The following CTNNA2 variants were observed in gnomAD, a reference collection of about 807,000 sequenced individuals.
CTNNA2 encodes the protein catenin alpha-2.
CTNNA2 carries 42 observed loss-of-function variants against 101.0 expected under a neutral mutation model. The ratio of observed to expected loss-of-function variants is 0.42; its 90% CI spans 0.32 to 0.54. CTNNA2 has a LOEUF of 0.54. Ranked by LOEUF, CTNNA2 falls within the 20% of genes least tolerant of loss-of-function variation. CTNNA2 has a pLI of 0.14. For missense variants in CTNNA2, 871 were observed against 1,223.1 expected (o/e 0.71, Z 4.29); for synonymous variants, 450 against 456.4 (o/e 0.99, Z 0.18).
chr2:80,349,717 G>T (rs936741631), intron 7 of CTNNA2, among the ~76,000 whole-genome samples: 1 of 151,998 alleles, frequency 6.6e-6, no homozygotes, highest in African/African-American at 2.4e-5. Flanking sequence ...ATGGGGTCTT[G>T]CTATGTTGCT....
At chr2:79,336,264 A>G (rs1676992381) in intron 3 of CTNNA2, among the ~76,000 whole-genome samples, 1 of 152,164 alleles carries the variant, frequency 6.6e-6, no homozygotes, top group African/African-American at 2.4e-5. Context: ...TTGATTAACT[A>G]TGGCTGCCAT....
At chr2:79,982,518 CAT>C (rs201790869) in intron 7 of CTNNA2, among the ~76,000 whole-genome samples, 8 of 150,694 alleles carry the variant, frequency 5.3e-5, no homozygotes, top group African/African-American at 1.7e-4. Flanking sequence ...CACACACACA[CAT>C]ATATATATTT....
rs995719156 is a variant in CTNNA2, at chr2:79,542,319, A to G, written c.-6+29112A>G. Among the ~76,000 whole-genome samples, 15 of 152,330 alleles carry G rather than the reference A, an allele frequency of 9.8e-5. No individual in the cohort carries two copies. In the East Asian group the frequency reaches 2.5e-3, roughly 25 times the overall value. ...ATGCACTATGTTATCTGATGTTAAA[A>G]GTAAAAGATTTATCCTAAAATAACT... On this transcript the variant is annotated intron_variant, in intron 1 of 18. Transcript: ENST00000402739.
At chr2:80,488,886 C>CATACACACGTGCATGCACATACACAT in intron 9 of CTNNA2, among the ~76,000 whole-genome samples, 1 of 152,192 alleles carries the variant, frequency 6.6e-6, no homozygotes, top group Non-Finnish European at 1.5e-5. Flanking sequence ...ATCACTCTCT[C>CATACACACGTGCATGCACATACACAT]ATACACACGT....
rs185117730 is a variant in CTNNA2 at position 80,221,835 on chromosome 2, A to G, written c.1057-171376A>G. Among the ~76,000 whole-genome samples, 4 of 152,366 alleles carry G rather than the reference A, an allele frequency of 2.6e-5. No homozygotes were observed. The East Asian group carries it at 7.7e-4, about 29-fold the overall frequency. On this transcript the variant is annotated intron_variant, in intron 7 of 18. Transcript: ENST00000402739. ...AATGATCAAAATGTGTGCAAGACAG[A>G]TCCTTTTGGTAGGATGCTTTTTATA...
intron 7 of CTNNA2, among the ~76,000 whole-genome samples, chr2:80,309,023 A>G (rs891256306): frequency 6.6e-6 from 1 of 152,024 alleles, no homozygotes; most frequent in Non-Finnish European, 1.5e-5. Context: ...TGGGAGGTGG[A>G]GGTTGCAGTG....
chr2:79,757,234 T>C (rs1244898091), intron 3 of CTNNA2, among the ~76,000 whole-genome samples: 1 of 150,970 alleles, frequency 6.6e-6, no homozygotes, highest in Non-Finnish European at 1.5e-5. Context: ...CCAATATTTA[T>C]AGATTATTAA....
At chr2:80,491,740 C>G (rs1439208795) in intron 9 of CTNNA2, among the ~76,000 whole-genome samples, 1 of 152,138 alleles carries the variant, frequency 6.6e-6, no homozygotes, top group Admixed American at 6.5e-5. Context: ...CCCCTTTCAC[C>G]CTCAAAAATG....
chr2:79,626,785 T>C lies in CTNNA2; in HGVS notation c.-5-24767T>C, dbSNP rs558641664. Among the ~76,000 whole-genome samples, 13 of 151,928 alleles carry C rather than the reference T, an allele frequency of 8.6e-5. No individual in the cohort carries two copies. The East Asian group carries it at 2.5e-3, about 29-fold the overall frequency. ...GTTTTAGGTAGCGAGACAACATGCG[T>C]TATATTTTAGAATGGTTGCTGTGGA... On this transcript the variant is annotated intron_variant, in intron 1 of 18. Transcript: ENST00000402739.
intron 18 of CTNNA2, among the ~76,000 whole-genome samples, chr2:80,621,886 C>T (rs1186637436): frequency 6.6e-6 from 1 of 151,776 alleles, no homozygotes; most frequent in African/African-American, 2.4e-5. Context: ...TCCCTGTGGC[C>T]TGGGTGGGCT....
At chr2:79,585,613 A>G (rs1177358869) in intron 1 of CTNNA2, among the ~76,000 whole-genome samples, 1 of 152,132 alleles carries the variant, frequency 6.6e-6, no homozygotes, top group East Asian at 1.9e-4. Context: ...TAGAAAGTTT[A>G]TCAGTGATGA....
intron 7 of CTNNA2, among the ~76,000 whole-genome samples, chr2:80,123,059 G>A (rs1701931066): frequency 6.6e-6 from 1 of 152,052 alleles, no homozygotes; most frequent in African/African-American, 2.4e-5. Context: ...TTTCCTCTGG[G>A]GATAAGTTCA....
chr2:79,727,480 G>C (rs17017708), intron 2 of CTNNA2, among the ~76,000 whole-genome samples: 6 of 151,826 alleles, frequency 4.0e-5, no homozygotes, highest in Admixed American at 1.3e-4. Flanking sequence ...TAATTTTGAC[G>C]TAAAAATTCA....
At chr2:79,552,223 G>C (rs368329632) in intron 1 of CTNNA2, among the ~76,000 whole-genome samples, 1 of 152,098 alleles carries the variant, frequency 6.6e-6, no homozygotes, top group Non-Finnish European at 1.5e-5. Flanking sequence ...CAAACAAAGG[G>C]ACTACAGGCC....
intron 1 of CTNNA2, among the ~76,000 whole-genome samples, chr2:79,524,118 T>C (rs2103890602): frequency 6.6e-6 from 1 of 152,190 alleles, no homozygotes; most frequent in African/African-American, 2.4e-5. Flanking sequence ...GGTTATCAAT[T>C]TGAAAACAAC....
intron 4 of CTNNA2, among the ~76,000 whole-genome samples, chr2:79,375,050 T>C (rs1240320944): frequency 1.3e-5 from 2 of 152,210 alleles, no homozygotes; most frequent in Non-Finnish European, 2.9e-5. Flanking sequence ...GAACATCCTA[T>C]ATGCATATTC....
intron 4 of CTNNA2, among the ~76,000 whole-genome samples, chr2:79,468,415 C>G (rs963250956): frequency 5.9e-5 from 9 of 152,094 alleles, no homozygotes; most frequent in African/African-American, 9.7e-5. Flanking sequence ...CTTAGACTCC[C>G]ACACAATAAT....
At chr2:80,452,467 A>T (rs564684735) in intron 9 of CTNNA2, among the ~76,000 whole-genome samples, 1 of 135,388 alleles carries the variant, frequency 7.4e-6, no homozygotes, top group Non-Finnish European at 1.6e-5. Flanking sequence ...ATAAAATTCC[A>T]TCTGTTTCCT....
At chr2:80,290,093 C>G (rs1675107219) in intron 7 of CTNNA2, among the ~76,000 whole-genome samples, 1 of 152,140 alleles carries the variant, frequency 6.6e-6, no homozygotes. Context: ...TTGATCCTTA[C>G]CAGATCCTTG....
Sources: gnomAD v4.1 joint callset for allele counts (sites outside exome capture counted in the v4.1 genomes callset) on GRCh38, gnomAD v4.1.1 for gene constraint, MANE v1.5 for transcripts, NCBI Gene and HGNC (gene_info 2026-07-23, HGNC 2026-07-21) for gene names.